POLR2C: variants seen among roughly 807,000 people sequenced by gnomAD.
The protein encoded by POLR2C is RNA polymerase II subunit C.
Under a neutral mutation model 41.7 loss-of-function variants are expected in POLR2C, and 36 were observed. The observed-to-expected ratio is 0.86, with a 90% CI of 0.66 to 1.14. The LOEUF (loss-of-function observed/expected upper bound fraction) is 1.14. Ranked by LOEUF, POLR2C falls within the 50% of genes most tolerant of loss-of-function variation. POLR2C has a pLI of 0.00. For missense variants in POLR2C, 260 were observed against 350.4 expected, an observed-to-expected ratio of 0.74 and a Z score of 2.06; for synonymous variants, 133 against 137.8, an observed-to-expected ratio of 0.96 and a Z score of 0.25.
At chr16:57,470,157 G>A (rs1302781721) in intron 7 of POLR2C, 28 bp downstream of exon 7, 5 of 1,604,744 alleles carry the variant, frequency 3.1e-6, no homozygotes, top group South Asian at 1.1e-5. Context: ...GTGATGGCAG[G>A]CATTTGGGGT....
chr16:57,462,740 C>T lies in POLR2C; in HGVS notation c.16C>T (p.Gln6Ter). 6.2e-7 allele frequency: 1 copy of T among 1,604,388 alleles called. No homozygotes were observed. The highest frequency in any genetic ancestry group is 1.1e-5 in the South Asian group (1 of 89,366). The change falls in exon 1 of 9, where the codon CAG (glutamine) becomes TAG (stop). Residue 6 changes from glutamine to a stop codon, truncating the protein, a stop_gained. Coordinates refer to ENST00000219252, the MANE Select transcript of POLR2C (RefSeq NM_032940.3). LOFTEE classifies it high-confidence loss of function. ...CCTGGGCGAGATGCCGTACGCCAAC[C>T]AGCCTACCGTGCGGATCACGGAGCT... MPYAN[Q>*]PTVRITELTD...
chr16:57,466,298 A>G, intron 4 of POLR2C, 71 bp downstream of exon 4: 1 of 990,988 alleles, frequency 1.0e-6, no homozygotes, highest in Non-Finnish European at 1.6e-6. Context: ...ATTTTTCCTG[A>G]CATTTGGCAT....
intron 4 of POLR2C, among the ~76,000 whole-genome samples, chr16:57,466,638 C>T (rs1309955022): frequency 6.6e-6 from 1 of 152,138 alleles, no homozygotes; most frequent in Non-Finnish European, 1.5e-5. Context: ...TTCATGCTGT[C>T]CCCTCCCTCG....
At chr16:57,465,881 T>G in intron 2 of POLR2C, 72 bp from the exon 3 acceptor site, 101 of 948,192 alleles carry the variant, frequency 1.1e-4, no homozygotes, top group Non-Finnish European at 1.7e-4. Context: ...TCCTAAATCT[T>G]GAGAACCACT....
intron 2 of POLR2C, 74 bp from the exon 3 acceptor site, chr16:57,465,879 C>A: frequency 1.1e-6 from 1 of 941,078 alleles, no homozygotes; most frequent in South Asian, 1.3e-5. Context: ...ATTCCTAAAT[C>A]TTGAGAACCA....
intron 2 of POLR2C, among the ~76,000 whole-genome samples, chr16:57,464,602 A>G (rs2030657464): frequency 6.6e-6 from 1 of 152,224 alleles, no homozygotes; most frequent in Non-Finnish European, 1.5e-5. Flanking sequence ...TTTTAAGGAA[A>G]TAAGCAGGCC....
intron 2 of POLR2C, chr16:57,463,596 G>A (rs1301972093): frequency 4.5e-6 from 2 of 448,978 alleles, no homozygotes; most frequent in Non-Finnish European, 9.0e-6. Flanking sequence ...ATGTCCGTGC[G>A]TACCCAGTTT....
intron 4 of POLR2C, among the ~76,000 whole-genome samples, chr16:57,468,473 G>A (rs1242662203): frequency 1.3e-5 from 2 of 152,204 alleles, no homozygotes; most frequent in Non-Finnish European, 2.9e-5. Context: ...CCTCACTGGT[G>A]TGAGGGAGAG....
chr16:57,465,248 T>G (rs1231923256), intron 2 of POLR2C, among the ~76,000 whole-genome samples: 2 of 152,150 alleles, frequency 1.3e-5, no homozygotes, highest in African/African-American at 4.8e-5. Context: ...GAGGTCCTCT[T>G]CCGACCGCTG....
intron 4 of POLR2C, among the ~76,000 whole-genome samples, chr16:57,468,343 T>C (rs1416666314): frequency 6.6e-6 from 1 of 152,236 alleles, no homozygotes; most frequent in African/African-American, 2.4e-5. Context: ...AAAGTGATTC[T>C]GTCTCAAGGG....
chr16:57,470,416 C>T (rs1389017117), intron 8 of POLR2C, 62 bp downstream of exon 8: 3 of 1,293,094 alleles, frequency 2.3e-6, no homozygotes, highest in Non-Finnish European at 2.2e-6. Flanking sequence ...TTGGTTCAGG[C>T]CGTGAGTTAG....
Position 57,469,675 on chromosome 16 carries a change from G to A in POLR2C, c.388-35G>A. ...TGCCAGAGGAGGTGACTGGGGAGGTGAGCAGCTAATGAATGCCTGGTGGAC... is the reference window on the plus strand; with the variant it reads ...TGCCAGAGGAGGTGACTGGGGAGGTAAGCAGCTAATGAATGCCTGGTGGAC... On this transcript the variant is annotated intron_variant, in intron 5 of 8. Transcript: ENST00000219252. This position sits in a 1 kb window ranked among gnomAD's most constrained non-coding sequence, Gnocchi z 5.8. The A allele has an allele frequency of 6.3e-7, 1 of 1,581,414 alleles. No individual in the cohort carries two copies. The highest frequency in any genetic ancestry group is 8.7e-7 in the Non-Finnish European group (1 of 1,150,148).
chr16:57,471,331 C>G lies in POLR2C; in HGVS notation c.*212C>G, dbSNP rs2030832737. ...GATAGGTCTTTACTGGCCCTGACTG[C>G]TGTTAATAATTGGCAGCAGTGCTCC... On this transcript the variant is annotated 3_prime_UTR_variant, in exon 9 of 9. Coordinates refer to ENST00000219252, the MANE Select transcript of POLR2C (RefSeq NM_032940.3). 1.8e-5 allele frequency: 10 copies of G among 543,786 alleles called. No homozygotes were observed. The South Asian group carries it at 2.3e-4, about 13-fold the overall frequency. The allele number at this position is 543,786 out of a possible 1,614,324, so 33.7% of individuals were successfully genotyped here. A position where few individuals can be genotyped will look rare whatever the true frequency, so the allele number is the denominator to read the frequency against.
intron 2 of POLR2C, among the ~76,000 whole-genome samples, chr16:57,464,362 A>AAGC (rs2059672880): frequency 1.3e-5 from 2 of 152,164 alleles, no homozygotes; most frequent in Admixed American, 6.5e-5. Flanking sequence ...GACAACACTA[A>AAGC]AGCAAGGTAG....
intron 4 of POLR2C, among the ~76,000 whole-genome samples, chr16:57,467,759 C>T (rs2030745617): frequency 1.3e-5 from 2 of 152,160 alleles, no homozygotes; most frequent in Admixed American, 1.3e-4. Flanking sequence ...TTTCATTGTG[C>T]CTAAGAAAGT....
chr16:57,462,751 G>T lies in POLR2C; in HGVS notation c.27G>T (p.Val9=). MPYANQPT[V]RITELTDENV... is the part of the protein sequence containing the mutation. The stretch of plus-strand genomic sequence containing the variant: ...TGCCGTACGCCAACCAGCCTACCGT[G>T]CGGATCACGGAGCTCACTGACGAGA... Residue 9 remains valine (V), a synonymous_variant, in exon 1 of 9, where the codon GTG becomes GTT. Coordinates refer to ENST00000219252, the MANE Select transcript of POLR2C (RefSeq NM_032940.3). The T allele has an allele frequency of 6.2e-7, 1 of 1,607,258 alleles. No homozygotes were observed. Among genetic ancestry groups the T allele is most frequent in the East Asian group, 2.2e-5 (1 of 44,664 alleles).
intron 8 of POLR2C, among the ~76,000 whole-genome samples, 164 bp from the exon 9 acceptor site, chr16:57,470,811 A>G (rs967419533): frequency 6.6e-6 from 1 of 152,152 alleles, no homozygotes; most frequent in Non-Finnish European, 1.5e-5. Context: ...TGTTGAAACT[A>G]CCCTATGTAA....
At chr16:57,464,802 T>C (rs949307212) in intron 2 of POLR2C, among the ~76,000 whole-genome samples, 2 of 151,994 alleles carry the variant, frequency 1.3e-5, no homozygotes, top group Admixed American at 1.3e-4. Context: ...AGCCCTGCCA[T>C]TCTGAGTCTA....
At chr16:57,466,129 G>T (rs1945444264) in intron 3 of POLR2C, 46 bp from the exon 4 acceptor site, 9 of 1,527,282 alleles carry the variant, frequency 5.9e-6, no homozygotes, top group Non-Finnish European at 8.2e-6. Flanking sequence ...TCTCATTTTG[G>T]CTTGGCTGTT....
Sources: gnomAD v4.1 joint callset for allele counts (sites outside exome capture counted in the v4.1 genomes callset) on GRCh38, gnomAD v4.1.1 for gene constraint, Gnocchi (gnomAD v3.1) non-coding constraint, MANE v1.5 for transcripts, NCBI Gene and HGNC (gene_info 2026-07-23, HGNC 2026-07-21) for gene names.